Variants in PSMA3 observed in about 807,000 individuals in gnomAD.
The protein encoded by PSMA3 is proteasome 20S subunit alpha 3.
PSMA3 carries 8 observed loss-of-function variants against 40.0 expected under a neutral mutation model. The observed-to-expected ratio is 0.20, with a 90% CI of 0.12 to 0.36. The LOEUF is 0.36. Ranked by LOEUF, PSMA3 falls within the 10% of genes least tolerant of loss-of-function variation. PSMA3 has a pLI of 1.00. For missense variants in PSMA3, 219 were observed against 310.6 expected (o/e 0.70, Z 2.22); for synonymous variants, 110 against 100.0 (o/e 1.10, Z -0.59).
chr14:58,246,740 A>C (rs1889890371), intron 1 of PSMA3, among the ~76,000 whole-genome samples: 1 of 152,132 alleles, frequency 6.6e-6, no homozygotes, highest in Admixed American at 6.5e-5. Flanking sequence ...CTCTACTCTC[A>C]AAAAATATTC....
intron 6 of PSMA3, among the ~76,000 whole-genome samples, 170 bp downstream of exon 6, chr14:58,261,190 T>TC (rs1890271351): frequency 6.6e-6 from 1 of 151,854 alleles, no homozygotes; most frequent in East Asian, 1.9e-4. Flanking sequence ...TTTTTTTTTT[T>TC]TTCCTTTTTG....
intron 8 of PSMA3, 44 bp downstream of exon 8, chr14:58,267,564 G>T: frequency 6.5e-7 from 1 of 1,545,414 alleles, no homozygotes; most frequent in South Asian, 1.3e-5. Flanking sequence ...TATTTCATTT[G>T]ACCTTTGCAT....
intron 2 of PSMA3, 65 bp from the exon 3 acceptor site, chr14:58,252,054 A>G (rs1890023475): frequency 6.6e-7 from 1 of 1,518,374 alleles, no homozygotes; most frequent in African/African-American, 1.4e-5. Flanking sequence ...TTTTTTGTTA[A>G]ACTTAAGTTT....
At chr14:58,258,034 T>C (rs773458196) in intron 5 of PSMA3, 36 bp downstream of exon 5, 1 of 1,474,598 alleles carries the variant, frequency 6.8e-7, no homozygotes, top group Admixed American at 1.7e-5. Flanking sequence ...AAGGCAGATC[T>C]GTACTATAGA....
rs529472164 is a variant in PSMA3, at chr14:58,250,805, A to AT, written c.105-1312dup. ...CAGCTAGGAATTAGGCTGGTCTTAG[A>AT]TTAAACGGATTAGAGAAGTAGAAAA... On this transcript the variant is annotated intron_variant, in intron 2 of 10. Coordinates refer to ENST00000216455, the MANE Select transcript of PSMA3 (RefSeq NM_002788.4). 2.6e-4 allele frequency among the ~76,000 whole-genome samples: 39 copies of AT among 152,318 alleles called. 1 individual carries two copies. Among genetic ancestry groups the AT allele is most frequent in the African/African-American group, 9.4e-4 (39 of 41,574 alleles).
At chr14:58,269,429 G>GTT (rs879582556) in intron 8 of PSMA3, 5 of 145,524 alleles carry the variant, frequency 3.4e-5, no homozygotes, top group South Asian at 2.2e-4. Context: ...ACATAAATTA[G>GTT]TTTTTTTTTT....
chr14:58,267,674 G>A (rs1263994903), intron 8 of PSMA3, 154 bp downstream of exon 8: 7 of 1,230,708 alleles, frequency 5.7e-6, no homozygotes, highest in Non-Finnish European at 7.2e-6. Flanking sequence ...CCTCACGAAG[G>A]AAGAAAATGT....
rs955542012 is a variant in PSMA3, at chr14:58,259,346, G to A, written c.404+1348G>A. ...TTGTTTTGTTTTGAGATGGAGTCTC[G>A]CTCTGTCGCCCAGGCTGGAATGCAG... On this transcript the variant is annotated intron_variant, in intron 5 of 10. Coordinates refer to ENST00000216455, the MANE Select transcript of PSMA3 (RefSeq NM_002788.4). 1.9e-4 allele frequency among the ~76,000 whole-genome samples: 29 copies of A among 151,758 alleles called. 1 individual carries two copies. The highest frequency in any genetic ancestry group is 2.6e-4 in the Admixed American group (4 of 15,216).
intron 5 of PSMA3, chr14:58,258,573 T>C (rs1475015251): frequency 1.3e-5 from 2 of 152,084 alleles, no homozygotes; most frequent in Non-Finnish European, 2.9e-5. Flanking sequence ...GTCCCTGATA[T>C]TCTTAGGTAA....
intron 8 of PSMA3, 174 bp downstream of exon 8, chr14:58,267,694 A>G (rs1028741385): frequency 9.3e-6 from 11 of 1,183,374 alleles, no homozygotes; most frequent in African/African-American, 6.4e-5. Flanking sequence ...TTTTTAAGCA[A>G]TATTTTTTAG....
At chr14:58,245,745 T>C (rs1022972907) in intron 1 of PSMA3, among the ~76,000 whole-genome samples, 3 of 152,216 alleles carry the variant, frequency 2.0e-5, no homozygotes, top group Admixed American at 2.0e-4. Context: ...GATTTATTGG[T>C]TATTTGCACT....
intron 10 of PSMA3, 127 bp from the exon 11 acceptor site, chr14:58,271,724 C>T: frequency 1.5e-6 from 1 of 678,834 alleles, no homozygotes; most frequent in Non-Finnish European, 2.6e-6. Context: ...TATTCTGAAA[C>T]TGTTCATTCA....
chr14:58,254,727 A>G lies in PSMA3; in HGVS notation c.228+2485A>G, dbSNP rs1047023759. Among the ~76,000 whole-genome samples the G allele has an allele frequency of 1.1e-4, 17 of 152,182 alleles. 1 individual carries two copies. The East Asian group carries it at 3.3e-3, about 29-fold the overall frequency. On this transcript the variant is annotated intron_variant, in intron 3 of 10. Transcript: ENST00000216455. ...CATCTTCAAGTGATTTGAGAATTAT[A>G]TGACTTTACAGTAAGCTTTCTCTAA... is the stretch of plus-strand genomic sequence containing the variant.
At chr14:58,245,220 C>T (rs967815243) in intron 1 of PSMA3, 2 of 462,520 alleles carry the variant, frequency 4.3e-6, no homozygotes, top group Non-Finnish European at 4.0e-6. Flanking sequence ...GAGTCACTTT[C>T]TTCAGCCACT....
chr14:58,250,762 CTA>C (rs1462785082), intron 2 of PSMA3, among the ~76,000 whole-genome samples: 2 of 152,106 alleles, frequency 1.3e-5, no homozygotes, highest in South Asian at 2.1e-4. Flanking sequence ...TAGATTCTGA[CTA>C]TGGCAAAATG....
chr14:58,267,422 CA>C, intron 7 of PSMA3, 51 bp from the exon 8 acceptor site: 1 of 1,418,722 alleles, frequency 7.0e-7, no homozygotes, highest in Middle Eastern at 1.9e-4. Flanking sequence ...ATAGTTATTA[CA>C]CAAGTGGAAA....
Position 58,252,207 on chromosome 14 carries a change from A to G in PSMA3, c.193A>G (p.Lys65Glu), listed in dbSNP as rs746595316. Residue 65 changes from lysine (K) to glutamate (E), a missense_variant, in exon 3 of 11, where the codon AAA becomes GAA. Lys to Glu is a moderately conservative substitution (Grantham distance 56). Transcript: ENST00000216455. ...LSKLYEEGSN[K>E]RLFNVDRHVG... ...TAAACTTTATGAAGAAGGTTCCAAC[A>G]AAAGACTTTTTAATGTTGATCGGCA... The G allele has an allele frequency of 6.2e-7, 1 of 1,612,846 alleles. No homozygotes were observed. Among genetic ancestry groups the G allele is most frequent in the Non-Finnish European group, 8.5e-7 (1 of 1,179,728 alleles).
chr14:58,259,639 TG>T (rs1298157667), intron 5 of PSMA3, among the ~76,000 whole-genome samples: 5 of 152,126 alleles, frequency 3.3e-5, no homozygotes, highest in African/African-American at 9.7e-5. Context: ...AAACATCTAT[TG>T]GGCACTGAGT....
chr14:58,246,169 C>T (rs1889875667), intron 1 of PSMA3, among the ~76,000 whole-genome samples: 1 of 152,162 alleles, frequency 6.6e-6, no homozygotes, highest in Admixed American at 6.5e-5. Flanking sequence ...CTCCCAAGAA[C>T]TCCAGATACG....
Sources: gnomAD v4.1 joint callset for allele counts (sites outside exome capture counted in the v4.1 genomes callset) on GRCh38, gnomAD v4.1.1 for gene constraint, MANE v1.5 for transcripts, NCBI Gene and HGNC (gene_info 2026-07-23, HGNC 2026-07-21) for gene names.